The following RBFOX1 variants were observed in gnomAD, a reference collection of about 807,000 sequenced individuals.
RBFOX1 encodes the protein RNA binding protein fox-1 homolog 1.
In RBFOX1, 8 loss-of-function variants were observed where a neutral mutation model predicts 57.7. The ratio of observed to expected loss-of-function variants is 0.14; its 90% CI spans 0.08 to 0.25. The LOEUF (loss-of-function observed/expected upper bound fraction) is 0.25, where lower values mean the gene tolerates loss of function less well. RBFOX1 is among the 10% of genes least tolerant of loss of function. RBFOX1 has a pLI of 1.00. For synonymous variants in RBFOX1, 326 were observed against 222.4 expected (o/e 1.47, Z -4.15); for missense variants, 611 against 548.5 (o/e 1.11, Z -1.14).
At chr16:6,364,940 C>G (rs1488543645) in intron 2 of RBFOX1, among the ~76,000 whole-genome samples, 1 of 152,124 alleles carries the variant, frequency 6.6e-6, no homozygotes, top group East Asian at 1.9e-4. Context: ...TCAGAGCGCC[C>G]TACTTCTGTT....
chr16:6,931,295 GTCTATCTATCTA>G (rs1161231181), intron 3 of RBFOX1, among the ~76,000 whole-genome samples: 197 of 136,230 alleles, frequency 1.4e-3, no homozygotes, highest in Middle Eastern at 3.8e-3. Flanking sequence ...CTGTCTGTCT[GTCTATCTATCTA>G]TCTATCTATC....
chr16:6,568,853 C>T (rs1482737912), intron 2 of RBFOX1, among the ~76,000 whole-genome samples: 2 of 152,118 alleles, frequency 1.3e-5, no homozygotes, highest in Non-Finnish European at 1.5e-5. Context: ...ACTGCAACCT[C>T]CGCCTCCTGG....
intron 1 of RBFOX1, among the ~76,000 whole-genome samples, chr16:5,307,085 A>C (rs1040011418): frequency 4.6e-5 from 7 of 152,128 alleles, no homozygotes; most frequent in Non-Finnish European, 8.8e-5. Context: ...GGGGAGCAGG[A>C]AAACCAAGTA....
intron 4 of RBFOX1, among the ~76,000 whole-genome samples, chr16:7,194,816 C>T (rs12443626): frequency 0.59 from 88,990 of 151,132 alleles, 26,319 homozygotes; most frequent in Middle Eastern, 0.64. Context: ...TGGTTCTCGC[C>T]ACTAGGGAGG....
At chr16:6,743,129 G>C (rs62017582) in intron 3 of RBFOX1, among the ~76,000 whole-genome samples, 34,471 of 152,044 alleles carry the variant, frequency 0.23, 4,008 homozygotes, top group East Asian at 0.32. Flanking sequence ...ATAAAGATTT[G>C]CCTTTTATAG....
At chr16:7,709,424 C>A in intron 15 of RBFOX1, 1 of 1,319,168 alleles carries the variant, frequency 7.6e-7, no homozygotes, top group Non-Finnish European at 1.0e-6. Context: ...CCATCACTAA[C>A]AGAATGCAGT....
At chr16:6,441,952 A>G (rs2094392182) in intron 2 of RBFOX1, among the ~76,000 whole-genome samples, 1 of 152,170 alleles carries the variant, frequency 6.6e-6, no homozygotes, top group Admixed American at 6.5e-5. Context: ...ATGAATTCCT[A>G]GCAAGATATT....
At chr16:6,257,644 A>T (rs1227290843) in intron 1 of RBFOX1, among the ~76,000 whole-genome samples, 4 of 152,100 alleles carry the variant, frequency 2.6e-5, no homozygotes, top group African/African-American at 9.7e-5. Flanking sequence ...CTCATAATTC[A>T]GTTCCCATTT....
intron 3 of RBFOX1, among the ~76,000 whole-genome samples, chr16:6,716,178 TATA>T (rs1390151301): frequency 1.3e-5 from 2 of 152,232 alleles, no homozygotes; most frequent in East Asian, 3.8e-4. Context: ...AATAGAGGGT[TATA>T]ATACCTTTCT....
chr16:5,938,307 C>T (rs1279779451), intron 4 of RBFOX1, among the ~76,000 whole-genome samples: 1 of 152,128 alleles, frequency 6.6e-6, no homozygotes, highest in Non-Finnish European at 1.5e-5. Context: ...GTGTCTGGAG[C>T]CAGTTCTCCT....
intron 3 of RBFOX1, among the ~76,000 whole-genome samples, chr16:6,947,743 T>A (rs1409103266): frequency 1.3e-5 from 2 of 152,178 alleles, no homozygotes; most frequent in Non-Finnish European, 2.9e-5. Context: ...GGTGGCTTTC[T>A]TTTTTAGCTA....
intron 4 of RBFOX1, among the ~76,000 whole-genome samples, chr16:7,349,786 C>A (rs942750365): frequency 3.9e-5 from 6 of 151,986 alleles, no homozygotes; most frequent in African/African-American, 1.5e-4. Flanking sequence ...ATCCTATTAA[C>A]AGGAAAAAAT....
intron 5 of RBFOX1, among the ~76,000 whole-genome samples, chr16:7,549,514 C>T (rs1198708996): frequency 6.6e-6 from 1 of 152,004 alleles, no homozygotes; most frequent in Non-Finnish European, 1.5e-5. Flanking sequence ...TACAATAGGT[C>T]GTCTGCAAGC....
chr16:5,726,227 C>A (rs188298384), intron 3 of RBFOX1, among the ~76,000 whole-genome samples: 21 of 152,034 alleles, frequency 1.4e-4, no homozygotes, highest in Admixed American at 1.3e-3. Context: ...CAGATGCCTC[C>A]CCGAAATGCA....
At chr16:6,601,168 T>G (rs2097848280) in intron 2 of RBFOX1, among the ~76,000 whole-genome samples, 1 of 152,186 alleles carries the variant, frequency 6.6e-6, no homozygotes, top group Admixed American at 6.5e-5. Flanking sequence ...AGAAAGGAAT[T>G]AGATATCCAA....
At chr16:5,427,227 G>A (rs1468391047) in intron 1 of RBFOX1, among the ~76,000 whole-genome samples, 1 of 152,190 alleles carries the variant, frequency 6.6e-6, no homozygotes, top group African/African-American at 2.4e-5. Context: ...GTGTACCTGT[G>A]TACATCAAAA....
At chr16:7,372,308 C>G (rs901077360) in intron 4 of RBFOX1, among the ~76,000 whole-genome samples, 1 of 152,182 alleles carries the variant, frequency 6.6e-6, no homozygotes, top group African/African-American at 2.4e-5. Flanking sequence ...TCGGTACTAG[C>G]AGGCTCTAAA....
At chr16:7,693,751 C>G (rs1419137918) in intron 14 of RBFOX1, among the ~76,000 whole-genome samples, 1 of 152,074 alleles carries the variant, frequency 6.6e-6, no homozygotes, top group African/African-American at 2.4e-5. Context: ...TTCATAGAGA[C>G]TGATGTGTGA....
chr16:6,835,084 C>G (rs977533981), intron 3 of RBFOX1, among the ~76,000 whole-genome samples: 1 of 151,850 alleles, frequency 6.6e-6, no homozygotes, highest in African/African-American at 2.4e-5. Context: ...TTAGTAGAGA[C>G]GGGTTAGCCA....
Sources: gnomAD v4.1 joint callset for allele counts (sites outside exome capture counted in the v4.1 genomes callset) on GRCh38, gnomAD v4.1.1 for gene constraint, MANE v1.5 for transcripts, NCBI Gene and HGNC (gene_info 2026-07-23, HGNC 2026-07-21) for gene names.